UNG: variants seen among roughly 807,000 people sequenced by gnomAD.
UNG encodes the protein uracil-DNA glycosylase.
UNG carries 34 observed loss-of-function variants against 36.5 expected under a neutral mutation model. The ratio of observed to expected loss-of-function variants is 0.93; its 90% CI spans 0.71 to 1.24. The LOEUF is 1.24. Ranked by LOEUF, UNG falls within the 50% of genes most tolerant of loss-of-function variation. The pLI, the probability that UNG is intolerant of heterozygous loss-of-function variation, is 0.00. For synonymous variants in UNG, 172 were observed against 157.8 expected (o/e 1.09, Z -0.67); for missense variants, 391 against 397.6 (o/e 0.98, Z 0.14).
chr12:109,103,092 C>T (rs2042190630), intron 5 of UNG, among the ~76,000 whole-genome samples, 165 bp downstream of exon 5: 1 of 152,066 alleles, frequency 6.6e-6, no homozygotes, highest in Admixed American at 6.6e-5. Flanking sequence ...GCTGGGACCA[C>T]AGGCATGAGC....
At chr12:109,097,993 C>T (rs2042144438) in intron 1 of UNG, 182 bp downstream of exon 1, 2 of 1,261,884 alleles carry the variant, frequency 1.6e-6, no homozygotes, top group Non-Finnish European at 1.0e-6. Context: ...GCTAAAGGGC[C>T]AGCCAATGGG....
chr12:109,108,700 A>G (rs1593325541), intron 6 of UNG, among the ~76,000 whole-genome samples: 2 of 152,284 alleles, frequency 1.3e-5, no homozygotes, highest in South Asian at 4.1e-4. Context: ...GCACAATTAT[A>G]GCTTTTTGCA....
At chr12:109,100,079 G>A (rs554723255) in intron 3 of UNG, among the ~76,000 whole-genome samples, 6 of 151,856 alleles carry the variant, frequency 4.0e-5, no homozygotes, top group African/African-American at 1.5e-4. Flanking sequence ...AAAAAAAACC[G>A]TGGCTTCTCA....
chr12:109,106,837 A>T (rs1213109642), intron 6 of UNG, among the ~76,000 whole-genome samples: 1 of 140,486 alleles, frequency 7.1e-6, no homozygotes. Context: ...ACTGCACTCC[A>T]GCCTGGCAAC....
At chr12:109,098,177 G>C in intron 1 of UNG, 1 of 1,420,886 alleles carries the variant, frequency 7.0e-7, no homozygotes, top group Non-Finnish European at 9.2e-7. Flanking sequence ...CCTCTGTGCA[G>C]GGTTCCCAGT....
At position 109,103,355 on chromosome 12, in the gene UNG, A is replaced by G. The variant is rs2042192656; in HGVS notation, c.623-78A>G. The G allele has an allele frequency of 9.5e-6, 13 of 1,373,012 alleles. No homozygotes were observed. In the South Asian group the frequency reaches 1.4e-4, roughly 15 times the overall value. 85.1% of individuals were successfully genotyped at this position (1,373,012 alleles called of 1,614,324 possible). On this transcript the variant is annotated intron_variant, in intron 5 of 6. Transcript: ENST00000242576. Reference sequence around the variant, plus strand: ...GATCCCATCAAGCATTGGTTTCATCATGGATTTAGCTCCTGTTGCTGGGTA... The same window carrying G: ...GATCCCATCAAGCATTGGTTTCATCGTGGATTTAGCTCCTGTTGCTGGGTA...
At chr12:109,102,323 C>T (rs2042184256) in intron 4 of UNG, among the ~76,000 whole-genome samples, 1 of 152,128 alleles carries the variant, frequency 6.6e-6, no homozygotes, top group Non-Finnish European at 1.5e-5. Context: ...TTAAGAACCA[C>T]TGCTTTGGGC....
Position 109,098,566 on chromosome 12 carries a change from C to A in UNG, c.267C>A (p.Asn89Lys), listed in dbSNP as rs757301291. The change falls in exon 2 of 7, where the codon AAC becomes AAA. Residue 89 changes from asparagine (N) to lysine (K), a missense_variant. Physicochemically the swap from Asn to Lys is moderately conservative, Grantham distance 94 (BLOSUM62 0). Transcript: ENST00000242576. Reference sequence around the variant, plus strand: ...CCCTGCTCAGACTCGCGGCCCGCAACGTGCCCGTGGGCTTTGGAGAGAGCT... The same window carrying A: ...CCCTGCTCAGACTCGCGGCCCGCAAAGTGCCCGTGGGCTTTGGAGAGAGCT... ...AAALLRLAARNVPVGFGESWK... is the reference protein window; with the variant it reads ...AAALLRLAARKVPVGFGESWK... 1 of 1,613,366 alleles carries A rather than the reference C, an allele frequency of 6.2e-7. No individual in the cohort carries two copies. The highest frequency in any genetic ancestry group is 1.1e-5 in the South Asian group (1 of 91,086).
chr12:109,102,033 C>T (rs745824940), intron 4 of UNG, 34 bp downstream of exon 4: 3 of 1,579,488 alleles, frequency 1.9e-6, no homozygotes, highest in Non-Finnish European at 2.6e-6. Flanking sequence ...GCAGTCCAGA[C>T]ATGATTCCTT....
intron 6 of UNG, among the ~76,000 whole-genome samples, chr12:109,105,984 C>G (rs1250713936): frequency 1.3e-5 from 2 of 152,232 alleles, no homozygotes; most frequent in Non-Finnish European, 2.9e-5. Flanking sequence ...TGACCCATTC[C>G]CCTTTACTTT....
intron 3 of UNG, among the ~76,000 whole-genome samples, chr12:109,099,676 C>G (rs1176438341): frequency 6.6e-6 from 1 of 152,190 alleles, no homozygotes; most frequent in African/African-American, 2.4e-5. Context: ...CTTTCAAGCT[C>G]TTGACTTCTG....
In UNG at chr12:109,103,481, A is replaced by C. The variant is rs1379801075; in HGVS notation, c.671A>C (p.Asn224Thr). The change falls in exon 6 of 7, where the codon AAC becomes ACC. Residue 224 changes from asparagine (N) to threonine (T), a missense_variant. By Grantham distance (65) the Asn-to-Thr change is moderately conservative (BLOSUM62 0). Coordinates refer to ENST00000242576, the MANE Select transcript of UNG (RefSeq NM_080911.3). The part of the protein sequence containing the change: ...AVLTVRAHQA[N>T]SHKERGWEQF... ...CTCACGGTTCGTGCCCATCAAGCCAACTCTCATAAGGAGCGAGGCTGGGAG... is the reference window on the plus strand; with the variant it reads ...CTCACGGTTCGTGCCCATCAAGCCACCTCTCATAAGGAGCGAGGCTGGGAG... 1 of 1,613,960 alleles carries C rather than the reference A, an allele frequency of 6.2e-7. No individual in the cohort carries two copies. Among genetic ancestry groups the C allele is most frequent in the Non-Finnish European group, 8.5e-7 (1 of 1,180,028 alleles).
Position 109,110,161 on chromosome 12 carries a change from G to A in UNG, c.*192G>A. The A allele has an allele frequency of 2.9e-6, 2 of 688,236 alleles. No homozygotes were observed. The highest frequency in any genetic ancestry group is 4.9e-6 in the Non-Finnish European group (2 of 412,162). The allele number at this position is 688,236 out of a possible 1,614,324, so 42.6% of individuals were successfully genotyped here. ...CCACAAACAACAAAGGCTACCCTTTGACCAAATGTCTTTCTCTGCAACATG... is the reference window on the plus strand; with the variant it reads ...CCACAAACAACAAAGGCTACCCTTTAACCAAATGTCTTTCTCTGCAACATG... On this transcript the variant is annotated 3_prime_UTR_variant, in exon 7 of 7. Transcript: ENST00000242576.
intron 1 of UNG, 138 bp downstream of exon 1, chr12:109,097,949 A>G: frequency 7.7e-7 from 1 of 1,304,080 alleles, no homozygotes; most frequent in Non-Finnish European, 1.0e-6. Flanking sequence ...CCACGTGTTC[A>G]AAATAGCCGC....
At chr12:109,105,387 G>A (rs2042208582) in intron 6 of UNG, among the ~76,000 whole-genome samples, 1 of 152,168 alleles carries the variant, frequency 6.6e-6, no homozygotes, top group African/African-American at 2.4e-5. Flanking sequence ...CCTTAGGGAG[G>A]TTTACGGCCA....
At position 109,098,418 on chromosome 12, in the gene UNG, G is replaced by T; in HGVS notation, c.133-14G>T. On this transcript the variant is annotated splice_polypyrimidine_tract_variant and intron_variant, in intron 1 of 6. Transcript: ENST00000242576. ...CTGCAGCTCTTGAGCCGCCTCTGCG[G>T]GGACCACTTGCAGGCCATCCCAGCC... is the stretch of plus-strand genomic sequence containing the variant. The T allele has an allele frequency of 6.2e-7, 1 of 1,605,688 alleles. No homozygotes were observed. The highest frequency in any genetic ancestry group is 8.5e-7 in the Non-Finnish European group (1 of 1,176,176).
At chr12:109,103,324 A>G in intron 5 of UNG, 109 bp from the exon 6 acceptor site, 6 of 1,043,790 alleles carry the variant, frequency 5.7e-6, no homozygotes, top group South Asian at 1.3e-5. Context: ...ACAGCTTGCT[A>G]CACTGGATCC....
In UNG at chr12:109,098,541, C is replaced by A; in HGVS notation, c.242C>A (p.Ala81Asp). 6.2e-7 allele frequency: 1 copy of A among 1,613,170 alleles called. No homozygotes were observed. The highest frequency in any genetic ancestry group is 8.5e-7 in the Non-Finnish European group (1 of 1,179,966). The change falls in exon 2 of 7, where the codon GCC becomes GAC. Residue 81 changes from alanine (A) to aspartate (D), a missense_variant. Ala to Asp is a moderately radical substitution (Grantham distance 126). Transcript: ENST00000242576. ...CGGATCCAGAGGAACAAGGCCGCGG[C>A]CCTGCTCAGACTCGCGGCCCGCAAC... is the stretch of plus-strand genomic sequence containing the variant. ...LDRIQRNKAA[A>D]LLRLAARNVP...
At chr12:109,105,203 C>A (rs1297777380) in intron 6 of UNG, 1 of 152,192 alleles carries the variant, frequency 6.6e-6, no homozygotes, top group Non-Finnish European at 1.5e-5. Context: ...TGTAAGCCAC[C>A]GCACCCGACC....
Sources: allele counts gnomAD v4.1 joint callset (sites outside exome capture counted in the v4.1 genomes callset), GRCh38; gene constraint gnomAD v4.1.1; transcripts MANE v1.5; gene names NCBI Gene and HGNC (gene_info 2026-07-23, HGNC 2026-07-21).